FGD5: variants seen among roughly 807,000 people sequenced by gnomAD.
FGD5 encodes FYVE, RhoGEF and PH domain-containing protein 5.
Under a neutral mutation model 133.4 loss-of-function variants are expected in FGD5, and 28 were observed. The observed-to-expected ratio is 0.21, with a 90% confidence interval of 0.16 to 0.29. FGD5 has a LOEUF of 0.29. Ranked by LOEUF, FGD5 falls within the 10% of genes least tolerant of loss-of-function variation. The pLI, the probability that FGD5 is intolerant of heterozygous loss-of-function variation, is 1.00. For missense variants in FGD5, 1,858 were observed against 1,895.2 expected, an observed-to-expected ratio of 0.98 and a Z score of 0.36; for synonymous variants, 810 against 776.5, an observed-to-expected ratio of 1.04 and a Z score of -0.72.
chr3:14,816,359 G>C (rs2036368251), upstream of FGD5, among the ~76,000 whole-genome samples: 1 of 152,216 alleles, frequency 6.6e-6, no homozygotes, highest in Admixed American at 6.5e-5. Flanking sequence ...CAGTGTATCA[G>C]TGTAGAGCAA....
intron 1 of FGD5, among the ~76,000 whole-genome samples, chr3:14,858,502 G>C (rs951271439): frequency 9.9e-5 from 15 of 152,122 alleles, no homozygotes; most frequent in Admixed American, 3.3e-4. Flanking sequence ...TCCACCTGAA[G>C]ATAACACCTC....
In FGD5 at chr3:14,819,079, G is replaced by C. The variant is rs535835096; in HGVS notation, c.8G>C (p.Arg3Thr). Residue 3 changes from arginine (R) to threonine (T), a missense_variant, in exon 1 of 20, where the codon AGG (arginine) becomes ACG (threonine). Arg to Thr is a moderately conservative substitution (Grantham distance 71). Coordinates refer to ENST00000285046, the MANE Select transcript of FGD5 (RefSeq NM_152536.4). This position sits in a 1 kb window ranked among gnomAD's most constrained non-coding sequence, Gnocchi z 4.1. Reference protein sequence around the residue: MFRGPKPPIAPKP... With the variant: MFTGPKPPIAPKP... ...CTTCACAGTCCAAACTCCATGTTCAGGGGTCCGAAGCCCCCCATTGCCCCC... is the reference window on the plus strand; with the variant it reads ...CTTCACAGTCCAAACTCCATGTTCACGGGTCCGAAGCCCCCCATTGCCCCC... The C allele has an allele frequency of 1.1e-4, 172 of 1,547,918 alleles. 2 individuals carry two copies. The East Asian group carries it at 3.3e-3, about 30-fold the overall frequency.
chr3:14,880,486 C>T (rs2037803634), intron 2 of FGD5, 86 bp from the exon 3 acceptor site: 2 of 1,330,178 alleles, frequency 1.5e-6, no homozygotes, highest in African/African-American at 1.5e-5. Flanking sequence ...CTGCAAAATG[C>T]TTGGAACTTG....
chr3:14,889,472 A>G (rs926345286), intron 4 of FGD5, among the ~76,000 whole-genome samples: 4 of 152,182 alleles, frequency 2.6e-5, no homozygotes, highest in Non-Finnish European at 4.4e-5. Flanking sequence ...GCTCCTGTGC[A>G]TGAACACGTG....
intron 10 of FGD5, 40 bp from the exon 11 acceptor site, chr3:14,910,821 G>A (rs1213649341): frequency 6.3e-7 from 1 of 1,589,056 alleles, no homozygotes; most frequent in Admixed American, 1.7e-5. Context: ...GATTCAGGGG[G>A]CATCAGCCTG....
intron 4 of FGD5, among the ~76,000 whole-genome samples, chr3:14,882,998 G>A (rs947869812): frequency 1.3e-5 from 2 of 152,120 alleles, no homozygotes; most frequent in Non-Finnish European, 2.9e-5. Flanking sequence ...AGGAGCTGAC[G>A]GTGTCCCCCA....
chr3:14,900,833 A>T (rs1277891821), intron 8 of FGD5, among the ~76,000 whole-genome samples, 170 bp from the exon 9 acceptor site: 1 of 152,200 alleles, frequency 6.6e-6, no homozygotes, highest in Non-Finnish European at 1.5e-5. Context: ...TAACATATTC[A>T]GTTTACAGCC....
At chr3:14,832,044 A>G (rs1349227857) in intron 1 of FGD5, among the ~76,000 whole-genome samples, 1 of 152,142 alleles carries the variant, frequency 6.6e-6, no homozygotes, top group Non-Finnish European at 1.5e-5. Context: ...TGGCACAGCA[A>G]AAAGAGAGAA....
chr3:14,840,164 A>C (rs2036893551), intron 1 of FGD5, among the ~76,000 whole-genome samples: 1 of 146,350 alleles, frequency 6.8e-6, no homozygotes, highest in African/African-American at 2.5e-5. Context: ...TTTTTTTGAG[A>C]TGGAATCTCG....
intron 7 of FGD5, among the ~76,000 whole-genome samples, chr3:14,899,473 C>A (rs758339062): frequency 6.6e-6 from 1 of 152,192 alleles, no homozygotes. Flanking sequence ...TAGACAAAGA[C>A]CCCTGATGTC....
Position 14,923,025 on chromosome 3 carries a change from T to A in FGD5, c.3808-21T>A, listed in dbSNP as rs1328633046. The A allele has an allele frequency of 6.2e-6, 10 of 1,613,000 alleles. No individual in the cohort carries two copies. In the African/African-American group the frequency reaches 1.3e-4, roughly 22 times the overall value. On this transcript the variant is annotated intron_variant, in intron 15 of 19. Coordinates refer to ENST00000285046, the MANE Select transcript of FGD5 (RefSeq NM_152536.4). ...TTGCATGCACTGAGAGGGGTGAGAA[T>A]CTTCCCACCTGGGCCTGCAGATCGT...
chr3:14,817,396 A>G (rs1339583934), upstream of FGD5, among the ~76,000 whole-genome samples: 1 of 152,152 alleles, frequency 6.6e-6, no homozygotes, highest in Non-Finnish European at 1.5e-5. Flanking sequence ...GGGTTTCACC[A>G]TGTTGACCAG....
chr3:14,887,590 G>T (rs1464855906), intron 4 of FGD5, among the ~76,000 whole-genome samples: 2 of 152,068 alleles, frequency 1.3e-5, no homozygotes, highest in Non-Finnish European at 2.9e-5. Context: ...CTGAGCACCT[G>T]GTCTGGGTGA....
chr3:14,877,262 C>A (rs972056934), intron 2 of FGD5, among the ~76,000 whole-genome samples: 1 of 152,246 alleles, frequency 6.6e-6, no homozygotes, highest in African/African-American at 2.4e-5. Context: ...CAGGCCTCCC[C>A]GTTGGCCGCC....
chr3:14,932,629 A>G lies in FGD5; in HGVS notation c.4250A>G (p.Glu1417Gly). The change falls in exon 19 of 20, where the codon GAA (glutamate) becomes GGA (glycine). Residue 1417 changes from glutamate (E) to glycine (G), a missense_variant. By Grantham distance (98) the Glu-to-Gly change is moderately conservative (BLOSUM62 -2). Around this residue, in one of 3 missense-constraint regions of FGD5, gnomAD observed 1,824 missense variants for 1,848.9 expected, o/e 0.99. Transcript: ENST00000285046. The stretch of plus-strand genomic sequence containing the variant: ...CTGCTAGGCTTCACCATTGCTCCAG[A>G]AAAGGAAGAGGGCAGCAGTGAAGTA... The part of the protein sequence containing the change: ...MPLLGFTIAP[E>G]KEEGSSEVGP... The G allele has an allele frequency of 6.2e-7, 1 of 1,614,046 alleles. No individual in the cohort carries two copies. The highest frequency in any genetic ancestry group is 8.5e-7 in the Non-Finnish European group (1 of 1,179,880).
upstream of FGD5, among the ~76,000 whole-genome samples, chr3:14,817,368 G>A (rs912446372): frequency 2.6e-5 from 4 of 152,012 alleles, no homozygotes; most frequent in African/African-American, 9.7e-5. Flanking sequence ...GCTAATTTTT[G>A]TGTTTTTAGT....
At chr3:14,893,752 CT>C (rs138741627) in intron 4 of FGD5, among the ~76,000 whole-genome samples, 22 of 95,058 alleles carry the variant, frequency 2.3e-4, no homozygotes, top group East Asian at 6.6e-4. Flanking sequence ...TTTCTTTTTT[CT>C]TTTTTTTTTT....
At chr3:14,862,806 C>T (rs61233909) in intron 1 of FGD5, among the ~76,000 whole-genome samples, 14,185 of 152,104 alleles carry the variant, frequency 0.093, 832 homozygotes, top group East Asian at 0.3. Context: ...TCAGTGGAGG[C>T]CCAGGCAGAG....
intron 11 of FGD5, among the ~76,000 whole-genome samples, chr3:14,915,373 GT>G (rs1187845560): frequency 6.6e-6 from 1 of 152,230 alleles, no homozygotes; most frequent in African/African-American, 2.4e-5. Context: ...GCAGTGTCTT[GT>G]TCCATCCTTA....
Sources: gnomAD v4.1 joint callset for allele counts (sites outside exome capture counted in the v4.1 genomes callset) on GRCh38, gnomAD v4.1.1 for gene constraint, gnomAD v4.1.1 regional missense constraint, Gnocchi (gnomAD v3.1) non-coding constraint, MANE v1.5 for transcripts, NCBI Gene and HGNC (gene_info 2026-07-23, HGNC 2026-07-21) for gene names.